Variants in ARHGEF26 observed in about 807,000 individuals in gnomAD.
ARHGEF26 encodes Rho guanine nucleotide exchange factor 26.
ARHGEF26 carries 59 observed loss-of-function variants against 89.4 expected under a neutral mutation model. The ratio of observed to expected loss-of-function variants is 0.66; its 90% CI spans 0.54 to 0.82. The LOEUF (loss-of-function observed/expected upper bound fraction) is 0.82, where lower values mean the gene tolerates loss of function less well. Ranked by LOEUF, ARHGEF26 falls within the 40% of genes least tolerant of loss-of-function variation. The pLI is 0.00. For synonymous variants in ARHGEF26, 500 were observed against 428.4 expected (o/e 1.17, Z -2.06); for missense variants, 1,234 against 1,085.6 (o/e 1.14, Z -1.92).
At chr3:154,191,081 C>T (rs1713925906) in intron 7 of ARHGEF26, among the ~76,000 whole-genome samples, 1 of 152,078 alleles carries the variant, frequency 6.6e-6, no homozygotes, top group African/African-American at 2.4e-5. Context: ...ATGTGAAATC[C>T]ACATCTTATT....
At chr3:154,207,806 T>C (rs550495330) in intron 9 of ARHGEF26, among the ~76,000 whole-genome samples, 16 of 152,306 alleles carry the variant, frequency 1.1e-4, no homozygotes, top group African/African-American at 3.6e-4. Flanking sequence ...TGTATGTTCA[T>C]TGCAGCACTA....
intron 11 of ARHGEF26, among the ~76,000 whole-genome samples, chr3:154,237,538 T>TCTCACACACACACA (rs1553751364): frequency 3.5e-5 from 5 of 143,200 alleles, no homozygotes; most frequent in South Asian, 2.3e-4. Flanking sequence ...TGAGACTCCG[T>TCTCACACACACACA]CACACACACA....
intron 11 of ARHGEF26, among the ~76,000 whole-genome samples, chr3:154,231,007 A>G (rs1716794837): frequency 6.6e-6 from 1 of 152,154 alleles, no homozygotes; most frequent in Admixed American, 6.5e-5. Flanking sequence ...TATTATAGAA[A>G]GCTGAAAATC....
At chr3:154,217,158 A>C (rs1170504381) in intron 9 of ARHGEF26, among the ~76,000 whole-genome samples, 4 of 150,992 alleles carry the variant, frequency 2.6e-5, no homozygotes, top group Non-Finnish European at 4.4e-5. Context: ...CCAACAGTGT[A>C]AAAGTGTTCC....
rs373216754 is a variant in ARHGEF26, at chr3:154,122,723, A to T, written c.731A>T (p.Lys244Ile). ...VLSTNSPAAL[K>I]VGKQQIIPKS... The stretch of plus-strand genomic sequence containing the variant: ...AGTACAAACAGCCCCGCCGCCCTCA[A>T]AGTGGGGAAGCAGCAGATCATTCCG... The change falls in exon 2 of 15, where the codon AAA becomes ATA. Residue 244 changes from lysine (K) to isoleucine (I), a missense_variant. Physicochemically the swap from Lys to Ile is moderately radical, Grantham distance 102. Transcript: ENST00000465093. 44 of 1,613,360 alleles carry T rather than the reference A, an allele frequency of 2.7e-5. No individual in the cohort carries two copies. The highest frequency in any genetic ancestry group is 3.7e-5 in the Non-Finnish European group (44 of 1,179,666).
chr3:154,163,838 A>G (rs2108122759), intron 6 of ARHGEF26, among the ~76,000 whole-genome samples: 1 of 152,322 alleles, frequency 6.6e-6, no homozygotes, highest in African/African-American at 2.4e-5. Flanking sequence ...AGTATTCTCT[A>G]GAAATAACCT....
chr3:154,145,567 T>C (rs1719648655), intron 4 of ARHGEF26, among the ~76,000 whole-genome samples: 1 of 152,174 alleles, frequency 6.6e-6, no homozygotes, highest in South Asian at 2.1e-4. Flanking sequence ...GTCTTTTTGG[T>C]TTGTGAGGCT....
At position 154,122,649 on chromosome 3, in the gene ARHGEF26, G is replaced by A; in HGVS notation, c.657G>A (p.Arg219=). 6.2e-7 allele frequency: 1 copy of A among 1,613,906 alleles called. No individual in the cohort carries two copies. The highest frequency in any genetic ancestry group is 8.5e-7 in the Non-Finnish European group (1 of 1,179,894). Residue 219 remains arginine (R), a synonymous_variant, in exon 2 of 15, where the codon AGG becomes AGA. Transcript: ENST00000465093. ...CGGAACAAAAACTCCCCCTCCAAAG[G>A]CTGCCCTCCCAGGAGAACGAGCTCC... The part of the protein sequence containing the change: ...SSSEQKLPLQ[R]LPSQENELLE...
chr3:154,134,064 GTTTT>G (rs767405618), intron 4 of ARHGEF26, among the ~76,000 whole-genome samples: 2 of 152,194 alleles, frequency 1.3e-5, no homozygotes, highest in East Asian at 3.9e-4. Flanking sequence ...CTTTGCTGAA[GTTTT>G]TTTTATCAGC....
At chr3:154,210,873 G>A (rs1469541815) in intron 9 of ARHGEF26, among the ~76,000 whole-genome samples, 1 of 151,522 alleles carries the variant, frequency 6.6e-6, no homozygotes. Flanking sequence ...AACCCGGGAG[G>A]TGGAGGTTGC....
intron 4 of ARHGEF26, among the ~76,000 whole-genome samples, chr3:154,132,705 A>T (rs969103864): frequency 6.6e-6 from 1 of 152,036 alleles, no homozygotes; most frequent in African/African-American, 2.4e-5. Context: ...TAATATATAT[A>T]TTCAGCTTTA....
rs1559906779 is a variant in ARHGEF26, at chr3:154,217,861, G to C, written c.1846-8G>C. ...CCTTTAACCCTCGTTACTCTTCTGT[G>C]TTCCCAGTTGGTTCGACTATGCAAT... is the stretch of plus-strand genomic sequence containing the variant. On this transcript the variant is annotated splice_region_variant and splice_polypyrimidine_tract_variant and intron_variant, in intron 9 of 14. Coordinates refer to ENST00000465093, the MANE Select transcript of ARHGEF26 (RefSeq NM_015595.4). 6.3e-7 allele frequency: 1 copy of C among 1,587,976 alleles called. No homozygotes were observed. The highest frequency in any genetic ancestry group is 1.8e-5 in the Admixed American group (1 of 56,176).
At chr3:154,124,660 TA>T (rs1718220956) in intron 3 of ARHGEF26, among the ~76,000 whole-genome samples, 4 of 152,198 alleles carry the variant, frequency 2.6e-5, no homozygotes, top group Admixed American at 2.6e-4. Flanking sequence ...TATAGGCTGA[TA>T]ACTTTTTCAG....
chr3:154,194,667 G>A lies in ARHGEF26; in HGVS notation c.1794G>A (p.Lys598=). The change falls in exon 9 of 15, where the codon AAG becomes AAA. Residue 598 remains lysine (K), a synonymous_variant. Coordinates refer to ENST00000465093, the MANE Select transcript of ARHGEF26 (RefSeq NM_015595.4). ...AGACTATCTGTCAAAAAACACCTAA[G>A]GACTCTCCGAAGTATGAAGTCTGCA... ...LMDTICQKTP[K]DSPKYEVCKR... The A allele has an allele frequency of 6.2e-7, 1 of 1,612,422 alleles. No homozygotes were observed. The highest frequency in any genetic ancestry group is 1.1e-5 in the South Asian group (1 of 90,564).
At chr3:154,121,322 G>T (rs1286917774), upstream of ARHGEF26, 1 of 152,212 alleles carries the variant, frequency 6.6e-6, no homozygotes, top group Non-Finnish European at 1.5e-5. Flanking sequence ...GGCTGCGATG[G>T]AGGCGGATCT....
intron 3 of ARHGEF26, among the ~76,000 whole-genome samples, chr3:154,126,344 C>G (rs1718329855): frequency 6.6e-6 from 1 of 152,190 alleles, no homozygotes; most frequent in Non-Finnish European, 1.5e-5. Flanking sequence ...ACCTGAATCT[C>G]TTCTGGTGTT....
At chr3:154,223,486 T>C (rs1337082465) in intron 10 of ARHGEF26, among the ~76,000 whole-genome samples, 2 of 152,192 alleles carry the variant, frequency 1.3e-5, no homozygotes, top group African/African-American at 4.8e-5. Flanking sequence ...AAATGTGATA[T>C]ATGCATATAG....
intron 12 of ARHGEF26, among the ~76,000 whole-genome samples, chr3:154,252,583 G>C (rs978238089): frequency 6.6e-6 from 1 of 152,158 alleles, no homozygotes; most frequent in African/African-American, 2.4e-5. Context: ...TTTGGGAACA[G>C]TGTAAAAGTG....
rs368706134 is a variant in ARHGEF26 at position 154,240,452 on chromosome 3, T to C, written c.2173T>C (p.Ser725Pro). 30 of 1,613,538 alleles carry C rather than the reference T, an allele frequency of 1.9e-5. No homozygotes were observed. In the African/African-American group the frequency reaches 3.5e-4, roughly 19 times the overall value. ...TTGTGACAATGAAGAGCTTAATTCT[T>C]CTCCAGGGAAGAACAGCTCCACAAT... ...ESCDNEELNS[S>P]PGKNSSTMLY... Residue 725 changes from serine (S) to proline (P), a missense_variant, in exon 12 of 15, where the codon TCT (serine) becomes CCT (proline). Physicochemically the swap from Ser to Pro is moderately conservative, Grantham distance 74. Transcript: ENST00000465093.
Sources: allele counts gnomAD v4.1 joint callset (sites outside exome capture counted in the v4.1 genomes callset), GRCh38; gene constraint gnomAD v4.1.1; transcripts MANE v1.5; gene names NCBI Gene and HGNC (gene_info 2026-07-23, HGNC 2026-07-21).